CRPPA: variants seen among roughly 807,000 people sequenced by gnomAD.
CRPPA encodes the protein D-ribitol-5-phosphate cytidylyltransferase.
Under a neutral mutation model 52.0 loss-of-function variants are expected in CRPPA, and 43 were observed. The ratio of observed to expected loss-of-function variants is 0.83; its 90% confidence interval spans 0.65 to 1.07. CRPPA has a LOEUF of 1.07. CRPPA is among the 50% of genes least tolerant of loss of function. CRPPA has a pLI of 0.00. For missense variants in CRPPA, 629 were observed against 551.7 expected, an observed-to-expected ratio of 1.14 and a Z score of -1.40; for synonymous variants, 250 against 203.5, an observed-to-expected ratio of 1.23 and a Z score of -1.94.
At chr7:16,407,979 G>A (rs932120026) in intron 1 of CRPPA, among the ~76,000 whole-genome samples, 1 of 151,730 alleles carries the variant, frequency 6.6e-6, no homozygotes, top group Admixed American at 6.6e-5. Context: ...GTAGTGGCAC[G>A]CAACTGTAAT....
At chr7:16,260,866 T>C (rs1275758658) in intron 6 of CRPPA, among the ~76,000 whole-genome samples, 1 of 152,090 alleles carries the variant, frequency 6.6e-6, no homozygotes, top group Non-Finnish European at 1.5e-5. Context: ...GAAACATTCA[T>C]GTTTTTACCA....
At chr7:16,119,337 A>G (rs1054497947) in intron 9 of CRPPA, among the ~76,000 whole-genome samples, 3 of 152,100 alleles carry the variant, frequency 2.0e-5, no homozygotes, top group African/African-American at 7.2e-5. Flanking sequence ...TCATTGGTAG[A>G]CCATGTTCAT....
intron 2 of CRPPA, among the ~76,000 whole-genome samples, chr7:16,400,122 A>T (rs1180781959): frequency 1.3e-5 from 2 of 152,028 alleles, no homozygotes; most frequent in Non-Finnish European, 2.9e-5. Context: ...CATGACCAAC[A>T]CGTGACCAAC....
chr7:16,287,877 G>T (rs767922345), intron 5 of CRPPA, among the ~76,000 whole-genome samples: 1 of 135,500 alleles, frequency 7.4e-6, no homozygotes, highest in Non-Finnish European at 1.6e-5. Flanking sequence ...AGCCAAGATT[G>T]TACCACTGTA....
intron 9 of CRPPA, among the ~76,000 whole-genome samples, chr7:16,198,028 G>T (rs1781775196): frequency 8.3e-6 from 1 of 120,608 alleles, no homozygotes; most frequent in Non-Finnish European, 1.7e-5. Context: ...AAGGCCGCAG[G>T]GACCTCTGCC....
intron 9 of CRPPA, among the ~76,000 whole-genome samples, chr7:16,193,073 T>C (rs909675973): frequency 6.6e-6 from 1 of 152,154 alleles, no homozygotes; most frequent in African/African-American, 2.4e-5. Context: ...CAGCTTGTCA[T>C]TTTCAAAAAT....
chr7:16,381,098 G>T (rs1041337445), intron 2 of CRPPA, among the ~76,000 whole-genome samples: 2 of 151,558 alleles, frequency 1.3e-5, no homozygotes, highest in African/African-American at 2.4e-5. Flanking sequence ...GTCAATTTTG[G>T]ATCTTTCCTG....
chr7:16,414,686 G>C (rs780974194), intron 1 of CRPPA, among the ~76,000 whole-genome samples: 2 of 152,164 alleles, frequency 1.3e-5, no homozygotes, highest in South Asian at 4.1e-4. Context: ...TTTCTTGTTA[G>C]TAAAAGGCGA....
intron 8 of CRPPA, among the ~76,000 whole-genome samples, chr7:16,257,059 G>C (rs555950273): frequency 6.6e-6 from 1 of 152,192 alleles, no homozygotes; most frequent in South Asian, 2.1e-4. Context: ...TCAGGGCCTA[G>C]CAGTGTGCTA....
intron 5 of CRPPA, among the ~76,000 whole-genome samples, chr7:16,281,907 T>C (rs12111732): frequency 0.13 from 19,275 of 152,196 alleles, 2,553 homozygotes; most frequent in African/African-American, 0.34. Flanking sequence ...TACAATTGTA[T>C]TGATTCTTTT....
chr7:16,167,148 G>A (rs767600932), intron 9 of CRPPA, among the ~76,000 whole-genome samples: 11 of 151,934 alleles, frequency 7.2e-5, no homozygotes, highest in Non-Finnish European at 1.3e-4. Flanking sequence ...GGATGGTCTC[G>A]ATCTCCTGAT....
intron 9 of CRPPA, among the ~76,000 whole-genome samples, chr7:16,157,956 C>A (rs1783220139): frequency 6.6e-6 from 1 of 151,950 alleles, no homozygotes; most frequent in South Asian, 2.1e-4. Flanking sequence ...CCCACTGCAA[C>A]CTCCACCTCG....
intron 9 of CRPPA, among the ~76,000 whole-genome samples, chr7:16,195,042 T>C (rs530116817): frequency 6.6e-6 from 1 of 152,154 alleles, no homozygotes; most frequent in Non-Finnish European, 1.5e-5. Flanking sequence ...GGTGGTAATT[T>C]TTTTAAAAGC....
intron 8 of CRPPA, among the ~76,000 whole-genome samples, chr7:16,225,289 A>G (rs1288545069): frequency 6.6e-6 from 1 of 152,020 alleles, no homozygotes; most frequent in East Asian, 1.9e-4. Context: ...ATTTTAAGTC[A>G]TAAAATAAAT....
chr7:16,279,277 G>T (rs1784270015), intron 5 of CRPPA, among the ~76,000 whole-genome samples: 1 of 152,104 alleles, frequency 6.6e-6, no homozygotes, highest in South Asian at 2.1e-4. Flanking sequence ...GGGAGAATAG[G>T]TTATTGAAAA....
At chr7:16,104,660 G>A (rs912972982) in intron 9 of CRPPA, among the ~76,000 whole-genome samples, 3 of 152,148 alleles carry the variant, frequency 2.0e-5, no homozygotes, top group African/African-American at 2.4e-5. Context: ...CAGCACTCTA[G>A]GAGGCCAAGG....
chr7:16,408,755 G>T lies in CRPPA; in HGVS notation c.258-2418C>A, dbSNP rs112652330. ...ATTAAGGATTTTGAAATATGGAGAT[G>T]GTCCTGAATTATCTAGGTGGATCCA... is the stretch of plus-strand genomic sequence containing the variant. On this transcript the variant is annotated intron_variant, in intron 1 of 9. Transcript: ENST00000407010. Among the ~76,000 whole-genome samples the T allele has an allele frequency of 6.8e-3, 1,035 of 152,248 alleles. 12 individuals are homozygous for T. The highest frequency in any genetic ancestry group is 0.024 in the African/African-American group (1,001 of 41,544).
At chr7:16,170,746 C>T (rs753146597) in intron 9 of CRPPA, among the ~76,000 whole-genome samples, 14 of 152,142 alleles carry the variant, frequency 9.2e-5, no homozygotes, top group Non-Finnish European at 7.4e-5. Flanking sequence ...GCTGAGGCCC[C>T]GTGAGAATTC....
chr7:16,394,988 C>T (rs1202803068), intron 2 of CRPPA, among the ~76,000 whole-genome samples: 3 of 152,152 alleles, frequency 2.0e-5, no homozygotes, highest in Admixed American at 6.5e-5. Flanking sequence ...TGCAATGAAA[C>T]CTCAATTTTG....
Sources: gnomAD v4.1 joint callset for allele counts (sites outside exome capture counted in the v4.1 genomes callset) on GRCh38, gnomAD v4.1.1 for gene constraint, MANE v1.5 for transcripts, NCBI Gene and HGNC (gene_info 2026-07-23, HGNC 2026-07-21) for gene names.